AHNAK: variants seen among roughly 807,000 people sequenced by gnomAD.
The protein encoded by AHNAK is AHNAK nucleoprotein, also known as neuroblast differentiation-associated protein AHNAK.
Under a neutral mutation model 37.8 loss-of-function variants are expected in AHNAK, and 23 were observed. The observed-to-expected ratio is 0.61, with a 90% CI of 0.44 to 0.86. The LOEUF (loss-of-function observed/expected upper bound fraction) is 0.86. Ranked by LOEUF, AHNAK falls within the 40% of genes least tolerant of loss-of-function variation. The probability of loss-of-function intolerance (pLI) is 0.00; values close to 1 mark genes in which losing one functional copy is unlikely to be tolerated. For synonymous variants in AHNAK, 2,481 were observed against 2,636.3 expected, an observed-to-expected ratio of 0.94 and a Z score of 1.80; for missense variants, 7,411 against 7,319.4, an observed-to-expected ratio of 1.01 and a Z score of -0.46.
chr11:62,508,447 C>T lies in AHNAK; in HGVS notation c.343-16616G>A, dbSNP rs750947142. Among the ~76,000 whole-genome samples the T allele has an allele frequency of 3.9e-5, 6 of 152,268 alleles. 1 individual carries two copies. In the South Asian group the frequency reaches 8.3e-4, roughly 21 times the overall value. ...CGGAGCTGAGAACGCAGTGTGAGAT[C>T]TCAAGAGATAAAGCACTCTGTGGAC... On this transcript the variant is annotated intron_variant, in intron 4 of 5. Transcript: ENST00000257247.
At chr11:62,444,905 G>A (rs966067432) in intron 5 of AHNAK, among the ~76,000 whole-genome samples, 12 of 152,176 alleles carry the variant, frequency 7.9e-5, no homozygotes, top group Admixed American at 2.6e-4. Context: ...CCAGCCAAGG[G>A]GCAGGACCGA....
intron 5 of AHNAK, among the ~76,000 whole-genome samples, chr11:62,471,003 A>G (rs891243357): frequency 6.6e-6 from 1 of 152,034 alleles, no homozygotes; most frequent in Non-Finnish European, 1.5e-5. Context: ...AAGCTGAAAG[A>G]ACGTCAGATT....
rs1174192089 is a variant in AHNAK, at chr11:62,520,604, G to C, written c.13813C>G (p.Pro4605Ala). The C allele has an allele frequency of 6.2e-7, 1 of 1,614,092 alleles. No homozygotes were observed. ...ATGTCCATGTCGCCCTTCACCTTTG[G>C]ACCTTTCAGATTCAGGTCAACTTCA... is the stretch of plus-strand genomic sequence containing the variant. ...MPEVDLNLKG[P>A]KVKGDMDISL... is the part of the protein sequence containing the mutation. Residue 4605 changes from proline (P) to alanine (A), a missense_variant, in exon 5 of 5, where the codon CCA becomes GCA. By Grantham distance (27) the Pro-to-Ala change is conservative (BLOSUM62 -1). Coordinates refer to ENST00000378024, the MANE Select transcript of AHNAK (RefSeq NM_001620.3).
chr11:62,438,512 T>C (rs1484074445), intron 5 of AHNAK, among the ~76,000 whole-genome samples: 1 of 152,152 alleles, frequency 6.6e-6, no homozygotes, highest in Non-Finnish European at 1.5e-5. Context: ...GGGTCATTTT[T>C]AGTTTTCTTA....
In AHNAK at chr11:62,531,547, C is replaced by T; in HGVS notation, c.2870G>A (p.Gly957Asp). 4 of 1,614,200 alleles carry T rather than the reference C, an allele frequency of 2.5e-6. No individual in the cohort carries two copies. The highest frequency in any genetic ancestry group is 3.4e-6 in the Non-Finnish European group (4 of 1,180,032). ...ATCATATTCTCCCTTTACTTTAGGA[C>T]CTTTCATATGCAAGTCCACATCAGG... is the stretch of plus-strand genomic sequence containing the variant. ...SMPDVDLHMK[G>D]PKVKGEYDMT... Residue 957 changes from glycine (G) to aspartate (D), a missense_variant, in exon 5 of 5, where the codon GGT (glycine) becomes GAT (aspartate). Transcript: ENST00000378024.
rs753320828 is a variant in AHNAK, at chr11:62,519,964, A to G, written c.14453T>C (p.Val4818Ala). 8 of 1,612,880 alleles carry G rather than the reference A, an allele frequency of 5.0e-6. No individual in the cohort carries two copies. Among genetic ancestry groups the G allele is most frequent in the East Asian group, 4.5e-5 (2 of 44,826 alleles). ...TTCGATATTCACATCTGGAATATCA[A>G]CGTCCACCTTGGGTCCCGAGACATC... Reference protein sequence around the residue: ...DIDVSGPKVDVDIPDVNIEGP... With the variant: ...DIDVSGPKVDADIPDVNIEGP... Residue 4818 changes from valine (V) to alanine (A), a missense_variant, in exon 5 of 5, where the codon GTT (valine) becomes GCT (alanine). By Grantham distance (64) the Val-to-Ala change is moderately conservative (BLOSUM62 0). Transcript: ENST00000378024.
chr11:62,524,542 T>G lies in AHNAK; in HGVS notation c.9875A>C (p.Lys3292Thr), dbSNP rs752019097. The change falls in exon 5 of 5, where the codon AAG becomes ACG. Residue 3292 changes from lysine to threonine, a missense_variant. Lys to Thr is a moderately conservative substitution (Grantham distance 78, BLOSUM62 -1). Coordinates refer to ENST00000378024, the MANE Select transcript of AHNAK (RefSeq NM_001620.3). The part of the protein sequence containing the change: ...KMPDMHVNMP[K>T]ISMPEIDLNL... ...CAAGTCAATTTCTGGCATGGAGATC[T>G]TGGGCATGTTTACATGCATGTCAGG... is the stretch of plus-strand genomic sequence containing the variant. The G allele has an allele frequency of 2.5e-6, 4 of 1,614,180 alleles. No individual in the cohort carries two copies. Among genetic ancestry groups the G allele is most frequent in the Non-Finnish European group, 3.4e-6 (4 of 1,180,026 alleles).
chr11:62,518,541 G>C lies in AHNAK; in HGVS notation c.15876C>G (p.Leu5292=), dbSNP rs1940109627. ...GPGVDLPSVN[L]SMPKVSGPDL... is the part of the protein sequence containing the mutation. Reference sequence around the variant, plus strand: ...CAGGCCCAGAGACTTTTGGCATAGAGAGGTTCACTGAAGGCAAGTCTACTC... The same window carrying C: ...CAGGCCCAGAGACTTTTGGCATAGACAGGTTCACTGAAGGCAAGTCTACTC... Residue 5292 remains leucine (L), a synonymous_variant, in exon 5 of 5, where the codon CTC becomes CTG. Coordinates refer to ENST00000378024, the MANE Select transcript of AHNAK (RefSeq NM_001620.3). 4 of 1,613,998 alleles carry C rather than the reference G, an allele frequency of 2.5e-6. No individual in the cohort carries two copies. The highest frequency in any genetic ancestry group is 1.7e-5 in the Admixed American group (1 of 59,994).
chr11:62,520,019 C>T lies in AHNAK; in HGVS notation c.14398G>A (p.Val4800Met), dbSNP rs1590651528. The T allele has an allele frequency of 6.2e-7, 1 of 1,613,608 alleles. No individual in the cohort carries two copies. Residue 4800 changes from valine (V) to methionine (M), a missense_variant, in exon 5 of 5, where the codon GTG (valine) becomes ATG (methionine). Val to Met is a conservative substitution (Grantham distance 21). Transcript: ENST00000378024. ...MPGFKGEGPD[V>M]DVSLPKADID... ...TCGGCCTTGGGCAGGCTCACATCCA[C>T]ATCTGGACCTTCTCCTTTGAAGCCA...
chr11:62,453,037 T>G (rs17664162), intron 5 of AHNAK, among the ~76,000 whole-genome samples: 11,401 of 151,944 alleles, frequency 0.075, 565 homozygotes, highest in Middle Eastern at 0.13. Flanking sequence ...AAAAAGGTGT[T>G]TCAGCAAATT....
chr11:62,463,272 C>T (rs1938831659), intron 5 of AHNAK, among the ~76,000 whole-genome samples: 2 of 152,022 alleles, frequency 1.3e-5, no homozygotes, highest in Non-Finnish European at 2.9e-5. Flanking sequence ...TTGATTATAA[C>T]AGGATGCTGG....
intron 4 of AHNAK, among the ~76,000 whole-genome samples, chr11:62,503,527 G>C (rs528423288): frequency 3.3e-5 from 5 of 151,072 alleles, no homozygotes; most frequent in Admixed American, 2.6e-4. Flanking sequence ...AGGTTGCAGT[G>C]AGCCAAGACC....
At position 62,529,537 on chromosome 11, in the gene AHNAK, A is replaced by G. The variant is rs1024932126; in HGVS notation, c.4880T>C (p.Ile1627Thr). 16 of 1,613,998 alleles carry G rather than the reference A, an allele frequency of 9.9e-6. No homozygotes were observed. The highest frequency in any genetic ancestry group is 2.2e-5 in the South Asian group (2 of 91,074). Residue 1627 changes from isoleucine to threonine, a missense_variant, in exon 5 of 5, where the codon ATT becomes ACT. Ile to Thr is a moderately conservative substitution (Grantham distance 89). Transcript: ENST00000378024. ...APKMDVNVGDIDIEGPEGKLK... is the reference protein window; with the variant it reads ...APKMDVNVGDTDIEGPEGKLK... ...CTTCCCTTCTGGACCTTCAATATCA[A>G]TATCACCAACATTCACATCCATCTT...
chr11:62,435,221 C>T (rs753733758), intron 5 of AHNAK, among the ~76,000 whole-genome samples: 22 of 152,196 alleles, frequency 1.4e-4, no homozygotes, highest in Non-Finnish European at 2.9e-4. Flanking sequence ...AAATGCCCCC[C>T]TTTCCTTGCT....
In AHNAK at chr11:62,530,707, T is replaced by C. The variant is rs777338710; in HGVS notation, c.3710A>G (p.Asp1237Gly). The change falls in exon 5 of 5, where the codon GAC becomes GGC. Residue 1237 changes from aspartate (D) to glycine (G), a missense_variant. Transcript: ENST00000378024. ...PDVEIKGPKM[D>G]IDAPDVEVQG... ...AACCTCCACATCTGGGGCATCAATG[T>C]CCATTTTGGGTCCTTTGATTTCAAC... 6.2e-7 allele frequency: 1 copy of C among 1,613,880 alleles called. No homozygotes were observed. Among genetic ancestry groups the C allele is most frequent in the Non-Finnish European group, 8.5e-7 (1 of 1,179,994 alleles).
rs756258631 is a variant in AHNAK, at chr11:62,525,799, C to T, written c.8618G>A (p.Gly2873Asp). 2 of 1,613,636 alleles carry T rather than the reference C, an allele frequency of 1.2e-6. No individual in the cohort carries two copies. Among genetic ancestry groups the T allele is most frequent in the African/African-American group, 1.3e-5 (1 of 74,774 alleles). Residue 2873 changes from glycine (G) to aspartate (D), a missense_variant, in exon 5 of 5, where the codon GGC becomes GAC. Transcript: ENST00000378024. ...TGGGACATCAATGTCCACTTTGGGG[C>T]CTTTGAGGTCAACTTCAGGACCTTT... ...DLKGPEVDLK[G>D]PKVDIDVPDV...
intron 4 of AHNAK, among the ~76,000 whole-genome samples, chr11:62,492,609 C>A (rs1939522785): frequency 6.6e-6 from 1 of 152,278 alleles, no homozygotes; most frequent in Middle Eastern, 3.4e-3. Context: ...TGGCTCACAC[C>A]TGTAATCCTA....
At chr11:62,458,583 G>A (rs1481916682) in intron 5 of AHNAK, among the ~76,000 whole-genome samples, 3 of 152,180 alleles carry the variant, frequency 2.0e-5, no homozygotes, top group Non-Finnish European at 4.4e-5. Flanking sequence ...GGTGGGAGGA[G>A]GGCAGAAAAA....
In AHNAK at chr11:62,529,117, G is replaced by T; in HGVS notation, c.5300C>A (p.Ser1767Tyr). The T allele has an allele frequency of 6.2e-7, 1 of 1,614,072 alleles. No individual in the cohort carries two copies. Among genetic ancestry groups the T allele is most frequent in the South Asian group, 1.1e-5 (1 of 91,070 alleles). The change falls in exon 5 of 5, where the codon TCC becomes TAC. Residue 1767 changes from serine (S) to tyrosine (Y), a missense_variant. Transcript: ENST00000378024. ...IEGPEGKLKG[S>Y]KFKMPKLNIK... ...ATTCAACTTGGGCATCTTAAATTTG[G>T]AGCCTTTCAACTTTCCTTCTGGTCC...
Sources: allele counts gnomAD v4.1 joint callset (sites outside exome capture counted in the v4.1 genomes callset), GRCh38; gene constraint gnomAD v4.1.1; transcripts MANE v1.5; gene names NCBI Gene and HGNC (gene_info 2026-07-23, HGNC 2026-07-21).